CASD1: variants seen among roughly 807,000 people sequenced by gnomAD.
CASD1 encodes the protein CAS1 domain sialic acid O acetyltransferase 1, also known as N-acetylneuraminate (7)9-O-acetyltransferase.
A neutral mutation model predicts 100.0 loss-of-function variants in CASD1; 41 were observed. The ratio of observed to expected loss-of-function variants is 0.41; its 90% CI spans 0.32 to 0.53. CASD1 has a LOEUF of 0.53. Among genes scored for constraint, CASD1 ranks in the 20% least tolerant of loss-of-function variants. The pLI is 0.25. For missense variants in CASD1, 774 were observed against 948.7 expected (o/e 0.82, Z 2.42); for synonymous variants, 321 against 315.6 (o/e 1.02, Z -0.18).
At chr7:94,571,054 T>TC in the CASD1 span, among the ~76,000 whole-genome samples, 1 of 151,508 alleles carries the variant, frequency 6.6e-6, no homozygotes, top group African/African-American at 2.4e-5. Context: ...TTTTTTTTTT[T>TC]TTCTTTTTAG....
At chr7:94,593,879 A>C in the CASD1 span, among the ~76,000 whole-genome samples, 1 of 152,100 alleles carries the variant, frequency 6.6e-6, no homozygotes, top group Non-Finnish European at 1.5e-5. Flanking sequence ...CCTGAAACTT[A>C]AGTCTTTTGA....
At chr7:94,521,034 G>C (rs1354517656) in intron 3 of CASD1, among the ~76,000 whole-genome samples, 1 of 152,130 alleles carries the variant, frequency 6.6e-6, no homozygotes, top group Non-Finnish European at 1.5e-5. Flanking sequence ...GGAGGTTGCA[G>C]TGAGCTGAGA....
At chr7:94,596,108 A>C in the CASD1 span, among the ~76,000 whole-genome samples, 1 of 152,098 alleles carries the variant, frequency 6.6e-6, no homozygotes, top group Admixed American at 6.6e-5. Context: ...AATTGTTGCA[A>C]GTTCAATATA....
chr7:94,547,005 A>G, intron 12 of CASD1, 91 bp from the exon 13 acceptor site: 1 of 710,078 alleles, frequency 1.4e-6, no homozygotes. Flanking sequence ...TTTAAGAACT[A>G]TTCAGCATGT....
chr7:94,553,434 A>G (rs1224702621), intron 16 of CASD1, among the ~76,000 whole-genome samples: 1 of 152,146 alleles, frequency 6.6e-6, no homozygotes, highest in South Asian at 2.1e-4. Context: ...TGAGTGGTTC[A>G]CTTTGGTTCC....
the CASD1 span, among the ~76,000 whole-genome samples, chr7:94,569,553 C>G: frequency 6.6e-6 from 1 of 151,890 alleles, no homozygotes; most frequent in African/African-American, 2.4e-5. Flanking sequence ...CTCCTGGGCT[C>G]AAGTAATCCT....
At chr7:94,517,452 C>A in intron 1 of CASD1, 108 bp from the exon 2 acceptor site, 1 of 627,464 alleles carries the variant, frequency 1.6e-6, no homozygotes, top group Non-Finnish European at 2.8e-6. Flanking sequence ...TACAGTGAAA[C>A]AGAGAAAACT....
At chr7:94,551,278 A>AT in intron 14 of CASD1, 60 bp from the exon 15 acceptor site, 2 of 1,375,456 alleles carry the variant, frequency 1.5e-6, no homozygotes. Context: ...CTAACCAAAT[A>AT]TTTTTCCTGT....
the CASD1 span, among the ~76,000 whole-genome samples, chr7:94,602,278 T>G: frequency 2.0e-5 from 3 of 152,074 alleles, no homozygotes; most frequent in Non-Finnish European, 4.4e-5. Context: ...TAATTTTACT[T>G]GATTTAGGAA....
intron 5 of CASD1, among the ~76,000 whole-genome samples, chr7:94,528,826 C>G (rs1464327755): frequency 6.6e-6 from 1 of 152,136 alleles, no homozygotes; most frequent in Non-Finnish European, 1.5e-5. Context: ...TACAGTCTGT[C>G]AGTCCTTTAA....
the CASD1 span, chr7:94,626,864 C>T: frequency 6.6e-6 from 1 of 151,894 alleles, no homozygotes; most frequent in East Asian, 1.9e-4. Flanking sequence ...CACTTCTATT[C>T]CTAGTTTGCC....
chr7:94,580,323 A>G, the CASD1 span, among the ~76,000 whole-genome samples: 2,344 of 152,166 alleles, frequency 0.015, 25 homozygotes, highest in Non-Finnish European at 0.023. Flanking sequence ...TCACCATCTC[A>G]TGCTTAGTCT....
At chr7:94,632,332 A>G in the CASD1 span, among the ~76,000 whole-genome samples, 9,686 of 152,126 alleles carry the variant, frequency 0.064, 1,030 homozygotes, top group African/African-American at 0.22. Flanking sequence ...GAACTTGCAT[A>G]GAACATCTCA....
chr7:94,550,403 A>G (rs1163872669), intron 14 of CASD1, among the ~76,000 whole-genome samples: 1 of 152,140 alleles, frequency 6.6e-6, no homozygotes, highest in Non-Finnish European at 1.5e-5. Flanking sequence ...AATCTTTGCT[A>G]AAGTCTTCAC....
At chr7:94,563,791 T>C in the CASD1 span, among the ~76,000 whole-genome samples, 1 of 151,808 alleles carries the variant, frequency 6.6e-6, no homozygotes, top group Non-Finnish European at 1.5e-5. Flanking sequence ...TACTAGGCAC[T>C]AGGAGCTTCT....
rs1417251565 is a variant in CASD1, at chr7:94,517,625, C to T, written c.199C>T (p.His67Tyr). 6.2e-7 allele frequency: 1 copy of T among 1,611,310 alleles called. No individual in the cohort carries two copies. The highest frequency in any genetic ancestry group is 1.1e-5 in the South Asian group (1 of 90,586). ...RFLGEKVWQP[H>Y]SCMMHKYKIS... The stretch of plus-strand genomic sequence containing the variant: ...TCTTGGAGAGAAAGTTTGGCAACCT[C>T]ACAGTTGTATGATGCATAAATACAA... The change falls in exon 2 of 18, where the codon CAC (histidine) becomes TAC (tyrosine). Residue 67 changes from histidine (H) to tyrosine (Y), a missense_variant. Transcript: ENST00000297273.
chr7:94,629,606 T>C, the CASD1 span: 1 of 964,312 alleles, frequency 1.0e-6, no homozygotes, highest in South Asian at 1.4e-5. Flanking sequence ...TTATCACATA[T>C]TTAGACCATT....
intron 16 of CASD1, chr7:94,553,232 A>G: frequency 4.0e-6 from 1 of 252,710 alleles, no homozygotes; most frequent in Non-Finnish European, 8.1e-6. Flanking sequence ...TACCTTATGT[A>G]TGTTTTCTCA....
intron 13 of CASD1, among the ~76,000 whole-genome samples, chr7:94,547,600 A>G (rs1285285024): frequency 6.6e-6 from 1 of 151,870 alleles, no homozygotes; most frequent in Non-Finnish European, 1.5e-5. Context: ...CCAACTTAGG[A>G]GCAAAGGGGT....
Sources: allele counts gnomAD v4.1 joint callset (sites outside exome capture counted in the v4.1 genomes callset), GRCh38; gene constraint gnomAD v4.1.1; transcripts MANE v1.5; gene names NCBI Gene and HGNC (gene_info 2026-07-23, HGNC 2026-07-21).